NAV3: variants seen among roughly 807,000 people sequenced by gnomAD.
NAV3 encodes the protein pore membrane and/or filament interacting like protein 1.
A neutral mutation model predicts 244.7 loss-of-function variants in NAV3; 87 were observed. The ratio of observed to expected loss-of-function variants is 0.36; its 90% CI spans 0.30 to 0.42. The LOEUF is 0.42. Among genes scored for constraint, NAV3 ranks in the 20% least tolerant of loss-of-function variants. The pLI is 1.00. For synonymous variants in NAV3, 1,126 were observed against 1,042.2 expected (o/e 1.08, Z -1.55); for missense variants, 2,663 against 2,893.3 (o/e 0.92, Z 1.83).
chr12:77,628,420 CA>C (rs1260980088), intron 2 of NAV3, among the ~76,000 whole-genome samples: 3 of 152,030 alleles, frequency 2.0e-5, no homozygotes, highest in African/African-American at 7.2e-5. Flanking sequence ...TTCATGATTA[CA>C]AAGTTAAAAA....
At chr12:77,815,911 A>G (rs906831598) in intron 2 of NAV3, among the ~76,000 whole-genome samples, 1 of 152,138 alleles carries the variant, frequency 6.6e-6, no homozygotes, top group African/African-American at 2.4e-5. Flanking sequence ...TATTTTTGGA[A>G]CCTCATATGA....
intron 2 of NAV3, among the ~76,000 whole-genome samples, chr12:77,792,287 A>C (rs1278936209): frequency 6.6e-6 from 1 of 152,212 alleles, no homozygotes; most frequent in Non-Finnish European, 1.5e-5. Context: ...TTGCTTTATA[A>C]GTCATTTTAT....
At chr12:77,858,013 A>G (rs1461940832) in intron 1 of NAV3, among the ~76,000 whole-genome samples, 1 of 152,086 alleles carries the variant, frequency 6.6e-6, no homozygotes, top group East Asian at 1.9e-4. Context: ...AGAAAAAAAT[A>G]TACTTTTTGC....
intron 9 of NAV3, among the ~76,000 whole-genome samples, chr12:78,041,829 A>G (rs775327198): frequency 6.6e-5 from 10 of 152,198 alleles, no homozygotes; most frequent in Non-Finnish European, 1.2e-4. Context: ...AACAGATTAA[A>G]TAGTTAGCTA....
intron 2 of NAV3, among the ~76,000 whole-genome samples, chr12:77,739,844 A>G (rs1198007904): frequency 6.6e-6 from 1 of 152,214 alleles, no homozygotes; most frequent in Non-Finnish European, 1.5e-5. Context: ...TCATAAATAG[A>G]GAGTGGCTAT....
chr12:77,754,678 T>C (rs1869037095), intron 2 of NAV3, among the ~76,000 whole-genome samples: 1 of 152,228 alleles, frequency 6.6e-6, no homozygotes, highest in South Asian at 2.1e-4. Context: ...TGACTAGTAT[T>C]AGTGAAACTT....
chr12:78,019,967 G>A (rs1207870434), intron 8 of NAV3, among the ~76,000 whole-genome samples: 2 of 152,146 alleles, frequency 1.3e-5, no homozygotes, highest in Admixed American at 6.5e-5. Context: ...GGAATTCAGA[G>A]TAAAGTGCTG....
chr12:78,027,079 A>G (rs1006471234), intron 9 of NAV3, among the ~76,000 whole-genome samples: 4 of 152,280 alleles, frequency 2.6e-5, no homozygotes, highest in Admixed American at 6.5e-5. Context: ...GTTATTCTAC[A>G]GAAGTAATGT....
chr12:77,906,983 T>C (rs1341085322), intron 1 of NAV3, among the ~76,000 whole-genome samples: 4 of 152,176 alleles, frequency 2.6e-5, no homozygotes, highest in African/African-American at 2.4e-5. Context: ...TCTATCTATA[T>C]GGCTTCAGTG....
At chr12:77,833,518 T>C (rs1393576781) in intron 1 of NAV3, among the ~76,000 whole-genome samples, 1 of 152,166 alleles carries the variant, frequency 6.6e-6, no homozygotes, top group Non-Finnish European at 1.5e-5. Context: ...GGGCAGGGTG[T>C]GGAGCTTCGA....
intron 36 of NAV3, 153 bp from the exon 37 acceptor site, chr12:78,199,182 T>G: frequency 4.2e-6 from 3 of 719,482 alleles, no homozygotes; most frequent in Non-Finnish European, 7.3e-6. Context: ...CCTAACACCT[T>G]TGATCATGAA....
chr12:77,695,763 C>T (rs1875267032), intron 2 of NAV3, among the ~76,000 whole-genome samples: 1 of 152,040 alleles, frequency 6.6e-6, no homozygotes, highest in African/African-American at 2.4e-5. Flanking sequence ...ATGAGACTTT[C>T]TCTCTGACCA....
intron 2 of NAV3, among the ~76,000 whole-genome samples, chr12:77,717,791 A>C (rs1876427867): frequency 6.6e-6 from 1 of 151,964 alleles, no homozygotes; most frequent in Non-Finnish European, 1.5e-5. Flanking sequence ...ACACCTACCC[A>C]AACAAGTGTG....
intron 2 of NAV3, among the ~76,000 whole-genome samples, chr12:77,743,184 ATTTTC>A (rs1868373141): frequency 6.6e-6 from 1 of 151,884 alleles, no homozygotes; most frequent in Non-Finnish European, 1.5e-5. Context: ...GATTTATAAT[ATTTTC>A]TTTTCTCTAG....
At position 77,996,458 on chromosome 12, in the gene NAV3, C is replaced by T. The variant is rs114727814; in HGVS notation, c.740+1587C>T. On this transcript the variant is annotated intron_variant, in intron 6 of 39. Coordinates refer to ENST00000397909, the MANE Select transcript of NAV3 (RefSeq NM_001024383.2). ...CCAATTAGCAAAATAGCTAAAGGGA[C>T]CAATTATCAGCCATATATATTTAAA... 5.7e-3 allele frequency among the ~76,000 whole-genome samples: 863 copies of T among 152,230 alleles called. 5 individuals are homozygous for T. The highest frequency in any genetic ancestry group is 0.02 in the African/African-American group (822 of 41,528).
intron 8 of NAV3, among the ~76,000 whole-genome samples, chr12:78,008,574 GGTCAAAACT>G (rs1874654489): frequency 6.6e-6 from 1 of 151,690 alleles, no homozygotes. Flanking sequence ...ATTAAGAAAG[GGTCAAAACT>G]ATATAGTTTA....
chr12:77,617,548 C>G (rs367645353), intron 2 of NAV3, among the ~76,000 whole-genome samples: 153 of 152,208 alleles, frequency 1.0e-3, no homozygotes, highest in African/African-American at 3.5e-3. Context: ...AGTAACATAC[C>G]AATATACTAA....
chr12:77,863,782 G>T (rs1592819778), intron 1 of NAV3, among the ~76,000 whole-genome samples: 3 of 151,928 alleles, frequency 2.0e-5, no homozygotes, highest in South Asian at 4.1e-4. Context: ...GCTACTCTGA[G>T]AATAAGATAA....
intron 1 of NAV3, among the ~76,000 whole-genome samples, chr12:77,849,932 A>T (rs1407364189): frequency 6.6e-6 from 1 of 152,072 alleles, no homozygotes; most frequent in African/African-American, 2.4e-5. Flanking sequence ...TCCTTTTTGT[A>T]CCTGATTAAA....
Sources: gnomAD v4.1 joint callset for allele counts (sites outside exome capture counted in the v4.1 genomes callset) on GRCh38, gnomAD v4.1.1 for gene constraint, MANE v1.5 for transcripts, NCBI Gene and HGNC (gene_info 2026-07-23, HGNC 2026-07-21) for gene names.